Variants in ABTB3 observed in about 807,000 individuals in gnomAD.
ABTB3 encodes ankyrin repeat and BTB domain containing 3, also known as ankyrin repeat- and BTB/POZ domain-containing protein 3.
At chr12:107,520,694 G>A in the ABTB3 span, 32 of 1,594,890 alleles carry the variant, frequency 2.0e-5, no homozygotes, top group South Asian at 1.0e-4. Context: ...GTCTGTGCCC[G>A]AAGTGACACA....
chr12:107,519,193 G>A, the ABTB3 span, among the ~76,000 whole-genome samples: 6,316 of 152,226 alleles, frequency 0.041, 438 homozygotes, highest in African/African-American at 0.14. Flanking sequence ...GCTGCAGGCC[G>A]GTTCTGGATC....
chr12:107,469,920 TTCTCTCTCTCTCTCTTTCTTTC>T, the ABTB3 span, among the ~76,000 whole-genome samples: 158 of 101,752 alleles, frequency 1.6e-3, no homozygotes, highest in Middle Eastern at 0.011. Context: ...CTTTCTTTCT[TTCTCTCTCTCTCTCTTTCTTTC>T]TCTTTCTTTC....
chr12:107,499,832 C>T, the ABTB3 span, among the ~76,000 whole-genome samples: 539 of 152,118 alleles, frequency 3.5e-3, 5 homozygotes, highest in African/African-American at 0.012. Flanking sequence ...ACTACGGGCA[C>T]GCACCACCAT....
chr12:107,396,800 C>T, the ABTB3 span, among the ~76,000 whole-genome samples: 2 of 152,170 alleles, frequency 1.3e-5, no homozygotes, highest in African/African-American at 4.8e-5. Context: ...TGTGGACCTT[C>T]CTCCTTCCCT....
chr12:107,506,767 A>T, the ABTB3 span, among the ~76,000 whole-genome samples: 2 of 152,176 alleles, frequency 1.3e-5, no homozygotes, highest in Non-Finnish European at 2.9e-5. Context: ...TGTTTTTCTC[A>T]TACCTTTATC....
chr12:107,642,208 G>A, the ABTB3 span: 1 of 1,567,210 alleles, frequency 6.4e-7, no homozygotes, highest in Non-Finnish European at 8.8e-7. Context: ...TGTGCTGGTT[G>A]GCACAGGGCA....
the ABTB3 span, chr12:107,610,453 G>A: frequency 7.1e-7 from 1 of 1,399,286 alleles, no homozygotes; most frequent in African/African-American, 1.4e-5. Flanking sequence ...TGCAGGCGCT[G>A]GGCAGAGGCT....
At chr12:107,621,285 C>T in the ABTB3 span, among the ~76,000 whole-genome samples, 9 of 152,236 alleles carry the variant, frequency 5.9e-5, no homozygotes, top group East Asian at 1.4e-3. Context: ...GTGCACCAGG[C>T]CTAGGGTAAC....
chr12:107,418,088 G>A, the ABTB3 span, among the ~76,000 whole-genome samples: 4 of 152,340 alleles, frequency 2.6e-5, no homozygotes, highest in East Asian at 3.9e-4. Flanking sequence ...GTCTGTGAGG[G>A]TGTTGCCAAA....
the ABTB3 span, among the ~76,000 whole-genome samples, chr12:107,602,915 G>T: frequency 4.6e-5 from 7 of 152,314 alleles, no homozygotes; most frequent in Admixed American, 3.3e-4. Context: ...AAGATATTGA[G>T]CCTATCTCTC....
chr12:107,521,345 C>A, the ABTB3 span, among the ~76,000 whole-genome samples: 2 of 150,520 alleles, frequency 1.3e-5, no homozygotes, highest in East Asian at 3.9e-4. Context: ...GTGATTTTTG[C>A]AGAGGTGTTC....
chr12:107,517,759 C>T, the ABTB3 span, among the ~76,000 whole-genome samples: 2 of 152,234 alleles, frequency 1.3e-5, no homozygotes, highest in Admixed American at 6.5e-5. Flanking sequence ...CCAAAATTGA[C>T]AAATGGGATC....
At chr12:107,581,329 C>T in the ABTB3 span, 35 of 1,301,050 alleles carry the variant, frequency 2.7e-5, no homozygotes, top group Non-Finnish European at 3.3e-5. Flanking sequence ...GGGCGGGGGG[C>T]GGCAGGGGAG....
At chr12:107,319,842 G>A in the ABTB3 span, 1 of 1,233,490 alleles carries the variant, frequency 8.1e-7, no homozygotes, top group Non-Finnish European at 1.0e-6. Context: ...GGCGGCGCCT[G>A]CAGCGCAGCC....
At chr12:107,458,121 C>T in the ABTB3 span, among the ~76,000 whole-genome samples, 1 of 152,188 alleles carries the variant, frequency 6.6e-6, no homozygotes, top group Non-Finnish European at 1.5e-5. Flanking sequence ...ATCATCATTG[C>T]TGAGACTATG....
the ABTB3 span, among the ~76,000 whole-genome samples, chr12:107,387,839 G>A: frequency 6.6e-6 from 1 of 152,100 alleles, no homozygotes; most frequent in Non-Finnish European, 1.5e-5. Flanking sequence ...GTCCCATACA[G>A]GAGCTTTGTT....
the ABTB3 span, among the ~76,000 whole-genome samples, chr12:107,543,163 T>A: frequency 6.6e-6 from 1 of 151,746 alleles, no homozygotes; most frequent in Non-Finnish European, 1.5e-5. Flanking sequence ...TGGTGAAAAC[T>A]CATCTCTACT....
At chr12:107,387,360 T>G in the ABTB3 span, among the ~76,000 whole-genome samples, 4 of 152,206 alleles carry the variant, frequency 2.6e-5, no homozygotes, top group Admixed American at 1.3e-4. Context: ...CTTTTGCCCC[T>G]CTTGGTAGTA....
chr12:107,359,243 T>C, the ABTB3 span, among the ~76,000 whole-genome samples: 1 of 152,206 alleles, frequency 6.6e-6, no homozygotes, highest in Non-Finnish European at 1.5e-5. Flanking sequence ...GATGGGATCA[T>C]TGACTGTCAG....
Sources: allele counts gnomAD v4.1 joint callset (sites outside exome capture counted in the v4.1 genomes callset), GRCh38; gene constraint gnomAD v4.1.1; transcripts MANE v1.5; gene names NCBI Gene and HGNC (gene_info 2026-07-23, HGNC 2026-07-21).